ASTN2: variants seen among roughly 807,000 people sequenced by gnomAD.
The protein encoded by ASTN2 is astrotactin 2, also known as astrotactin-2.
In ASTN2, 54 loss-of-function variants were observed where a neutral mutation model predicts 139.8. That is an observed-to-expected ratio of 0.39 (90% CI 0.31 to 0.48). The LOEUF is 0.48. ASTN2 is among the 20% of genes least tolerant of loss of function. The pLI is 0.95. For missense variants in ASTN2, 1,565 were observed against 1,725.1 expected (o/e 0.91, Z 1.64); for synonymous variants, 756 against 719.5 (o/e 1.05, Z -0.81).
At chr9:116,671,490 G>A (rs1010474124) in intron 16 of ASTN2, among the ~76,000 whole-genome samples, 1 of 152,002 alleles carries the variant, frequency 6.6e-6, no homozygotes, top group East Asian at 1.9e-4. Context: ...GAAAGAAAAA[G>A]GGATGAAGAG....
intron 10 of ASTN2, among the ~76,000 whole-genome samples, chr9:116,888,795 C>G (rs576586091): frequency 6.6e-6 from 1 of 152,200 alleles, no homozygotes; most frequent in African/African-American, 2.4e-5. Context: ...ACCTATCAAC[C>G]CATCACCTAG....
chr9:116,789,759 G>A (rs1163928705), intron 13 of ASTN2, among the ~76,000 whole-genome samples: 1 of 152,002 alleles, frequency 6.6e-6, no homozygotes, highest in Non-Finnish European at 1.5e-5. Context: ...AGTAATGCTG[G>A]CAAATTTGCA....
intron 17 of ASTN2, among the ~76,000 whole-genome samples, chr9:116,629,278 C>T (rs1460031069): frequency 3.9e-5 from 6 of 152,002 alleles, no homozygotes; most frequent in East Asian, 1.9e-4. Context: ...CCACCATGCC[C>T]GGCTAATTTT....
Position 116,425,701 on chromosome 9 carries a change from A to G in ASTN2, c.*150T>C. 1 of 1,607,716 alleles carries G rather than the reference A, an allele frequency of 6.2e-7. No homozygotes were observed. The highest frequency in any genetic ancestry group is 8.5e-7 in the Non-Finnish European group (1 of 1,177,748). On this transcript the variant is annotated 3_prime_UTR_variant, in exon 23 of 23. Transcript: ENST00000313400. ...AAGGTCTCTGTCCACTATCCACAGG[A>G]GAAACCGTTTGCTTTGGCCTTGCTG...
chr9:116,784,424 A>T (rs1048733679), intron 13 of ASTN2, among the ~76,000 whole-genome samples: 1 of 152,220 alleles, frequency 6.6e-6, no homozygotes, highest in Non-Finnish European at 1.5e-5. Context: ...AATAGCAAAT[A>T]TTGTCATCAT....
chr9:116,515,143 A>G (rs1447589760), intron 19 of ASTN2, among the ~76,000 whole-genome samples: 1 of 152,226 alleles, frequency 6.6e-6, no homozygotes, highest in East Asian at 1.9e-4. Flanking sequence ...GAACTGCCCT[A>G]TCTCTGAATT....
At chr9:116,917,137 C>G (rs1019001634) in intron 10 of ASTN2, among the ~76,000 whole-genome samples, 3 of 152,108 alleles carry the variant, frequency 2.0e-5, no homozygotes, top group Non-Finnish European at 4.4e-5. Flanking sequence ...AGAGCTTTTT[C>G]TCACCTCCTT....
chr9:117,183,074 CA>C (rs1831114548), intron 3 of ASTN2, among the ~76,000 whole-genome samples: 1 of 152,156 alleles, frequency 6.6e-6, no homozygotes, highest in South Asian at 2.1e-4. Flanking sequence ...CTTGAACAGC[CA>C]AATTGAGGTC....
chr9:116,451,748 TG>T (rs1479496345), intron 20 of ASTN2, among the ~76,000 whole-genome samples: 6 of 152,252 alleles, frequency 3.9e-5, no homozygotes, highest in Non-Finnish European at 7.4e-5. Context: ...GAAAAAATGA[TG>T]ACAATTCTTG....
At chr9:117,394,307 C>G (rs967471775) in intron 1 of ASTN2, among the ~76,000 whole-genome samples, 1 of 151,950 alleles carries the variant, frequency 6.6e-6, no homozygotes, top group East Asian at 1.9e-4. Flanking sequence ...AATGTAGTAG[C>G]CAAGAGTCAC....
intron 1 of ASTN2, among the ~76,000 whole-genome samples, chr9:117,348,715 G>A (rs1829299824): frequency 6.6e-6 from 1 of 152,100 alleles, no homozygotes; most frequent in South Asian, 2.1e-4. Flanking sequence ...GTGAGCAAAA[G>A]GGAGGCAAAG....
chr9:116,808,194 ACTC>A (rs1413141056), intron 12 of ASTN2, among the ~76,000 whole-genome samples: 1 of 151,402 alleles, frequency 6.6e-6, no homozygotes, highest in East Asian at 1.9e-4. Context: ...TTCATTTCCC[ACTC>A]CTCACTTTCT....
intron 3 of ASTN2, among the ~76,000 whole-genome samples, chr9:117,154,539 C>T (rs953515105): frequency 3.3e-5 from 5 of 152,018 alleles, no homozygotes; most frequent in African/African-American, 1.2e-4. Flanking sequence ...ACTACTGTGA[C>T]ATGTATCTTA....
chr9:116,963,755 G>T (rs192009995), intron 10 of ASTN2, among the ~76,000 whole-genome samples: 2 of 152,198 alleles, frequency 1.3e-5, no homozygotes, highest in Non-Finnish European at 2.9e-5. Flanking sequence ...GACTTTGATG[G>T]ATGGACTCGA....
At position 116,698,746 on chromosome 9, in the gene ASTN2, G is replaced by A. The variant is rs778321975; in HGVS notation, c.2806+27025C>T. On this transcript the variant is annotated intron_variant, in intron 16 of 22. Transcript: ENST00000313400. This position sits in a 1 kb window ranked among gnomAD's most constrained non-coding sequence, Gnocchi z 4.4. ...ATGAGCCCGGAGGAAGTGGTTGCCA[G>A]CCCTAGGGCCTCACCTGCTAAACAG... The A allele has an allele frequency of 5.3e-5, 86 of 1,614,034 alleles. No individual in the cohort carries two copies. The highest frequency in any genetic ancestry group is 6.6e-5 in the Non-Finnish European group (78 of 1,180,044).
intron 16 of ASTN2, among the ~76,000 whole-genome samples, chr9:116,689,949 A>G (rs1588204099): frequency 6.6e-6 from 1 of 152,116 alleles, no homozygotes; most frequent in South Asian, 2.1e-4. Flanking sequence ...ACTGTTCTGT[A>G]TGGTCTCTTT....
chr9:116,757,023 C>G (rs1260542125), intron 13 of ASTN2, among the ~76,000 whole-genome samples: 1 of 152,196 alleles, frequency 6.6e-6, no homozygotes, highest in African/African-American at 2.4e-5. Context: ...CCGCCTACAG[C>G]TCCTGCTGAA....
At chr9:116,529,130 C>T (rs529643445) in intron 19 of ASTN2, among the ~76,000 whole-genome samples, 1 of 152,248 alleles carries the variant, frequency 6.6e-6, no homozygotes, top group South Asian at 2.1e-4. Context: ...CAGCTTGCAT[C>T]ATGCACCTAG....
rs181252767 is a variant in ASTN2, at chr9:117,379,539, A to G, written c.442+34958T>C. 1.8e-3 allele frequency among the ~76,000 whole-genome samples: 280 copies of G among 152,290 alleles called. 2 individuals carry two copies. Among genetic ancestry groups the G allele is most frequent in the African/African-American group, 6.3e-3 (261 of 41,556 alleles). The stretch of plus-strand genomic sequence containing the variant: ...TAAGCCTTCGAAGGCCTCCATTAGC[A>G]GTGTAAATGTTTCTCTTGGGAGGAA... On this transcript the variant is annotated intron_variant, in intron 1 of 22. Coordinates refer to ENST00000313400, the MANE Select transcript of ASTN2 (RefSeq NM_001365068.1).
Sources: gnomAD v4.1 joint callset for allele counts (sites outside exome capture counted in the v4.1 genomes callset) on GRCh38, gnomAD v4.1.1 for gene constraint, Gnocchi (gnomAD v3.1) non-coding constraint, MANE v1.5 for transcripts, NCBI Gene and HGNC (gene_info 2026-07-23, HGNC 2026-07-21) for gene names.